PTPN14: variants seen among roughly 807,000 people sequenced by gnomAD.
The protein encoded by PTPN14 is tyrosine-protein phosphatase non-receptor type 14.
In PTPN14, 53 loss-of-function variants were observed where a neutral mutation model predicts 126.8. That is an observed-to-expected ratio of 0.42 (90% CI 0.34 to 0.53). The LOEUF is 0.53. Among genes scored for constraint, PTPN14 ranks in the 20% least tolerant of loss-of-function variants. PTPN14 has a pLI of 0.08. For synonymous variants in PTPN14, 630 were observed against 599.3 expected (o/e 1.05, Z -0.75); for missense variants, 1,257 against 1,552.9 (o/e 0.81, Z 3.20).
chr1:214,418,803 T>C (rs1659480440), intron 3 of PTPN14, among the ~76,000 whole-genome samples: 1 of 152,230 alleles, frequency 6.6e-6, no homozygotes, highest in African/African-American at 2.4e-5. Context: ...GGCAGCAGCC[T>C]CTGAGATATT....
intron 1 of PTPN14, among the ~76,000 whole-genome samples, chr1:214,491,594 C>T (rs1661253224): frequency 6.6e-6 from 1 of 152,158 alleles, no homozygotes; most frequent in Non-Finnish European, 1.5e-5. Context: ...TGCTGTGGAT[C>T]CAACAGGAGG....
rs1019379184 is a variant in PTPN14 at position 214,357,716 on chromosome 1, C to A, written c.*206G>T. 1 of 449,168 alleles carries A rather than the reference C, an allele frequency of 2.2e-6. No individual in the cohort carries two copies. Among genetic ancestry groups the A allele is most frequent in the Non-Finnish European group, 4.0e-6 (1 of 249,332 alleles). 27.8% of individuals were successfully genotyped at this position (449,168 alleles called of 1,614,324 possible). Reference sequence around the variant, plus strand: ...AGGGAAACTGCATTATAATAATTCACAAAAGTTATTCCAAAGGGGAAAAAA... The same window carrying A: ...AGGGAAACTGCATTATAATAATTCAAAAAAGTTATTCCAAAGGGGAAAAAA... On this transcript the variant is annotated 3_prime_UTR_variant, in exon 19 of 19. Coordinates refer to ENST00000366956, the MANE Select transcript of PTPN14 (RefSeq NM_005401.5).
At chr1:214,477,202 G>C (rs1309003605) in intron 1 of PTPN14, among the ~76,000 whole-genome samples, 1 of 152,182 alleles carries the variant, frequency 6.6e-6, no homozygotes, top group Non-Finnish European at 1.5e-5. Context: ...CTGAATCAGA[G>C]GGGAGAAAGA....
intron 1 of PTPN14, among the ~76,000 whole-genome samples, chr1:214,506,907 G>A (rs902251856): frequency 5.8e-5 from 8 of 138,100 alleles, no homozygotes; most frequent in East Asian, 1.9e-4. Context: ...ACAAGAGCGC[G>A]GGTTTTTTTT....
At chr1:214,370,929 C>T (rs1175967298) in intron 16 of PTPN14, among the ~76,000 whole-genome samples, 3 of 152,106 alleles carry the variant, frequency 2.0e-5, no homozygotes, top group Non-Finnish European at 2.9e-5. Flanking sequence ...CACATCTTTG[C>T]GGAATATGTA....
rs544479567 is a variant in PTPN14, at chr1:214,377,979, G to A, written c.2668C>T (p.Arg890Trp). 1.4e-5 allele frequency: 22 copies of A among 1,612,870 alleles called. No individual in the cohort carries two copies. Among genetic ancestry groups the A allele is most frequent in the Middle Eastern group, 1.7e-4 (1 of 6,054 alleles). The change falls in exon 14 of 19, where the codon CGG becomes TGG. Residue 890 changes from arginine to tryptophan, a missense_variant. Around this residue, in one of 3 missense-constraint regions of PTPN14, gnomAD observed 1,021 missense variants for 1,183.3 expected, o/e 0.86. Coordinates refer to ENST00000366956, the MANE Select transcript of PTPN14 (RefSeq NM_005401.5). ...CTTACCCTCTCGTCCATGGGAACCC[G>A]GGTGGCATCAACTCGATTCTCTTCC... ...GREENRVDAT[R>W]VPMDERFRTL...
chr1:214,533,890 T>G (rs1344240927), intron 1 of PTPN14, among the ~76,000 whole-genome samples: 1 of 148,200 alleles, frequency 6.7e-6, no homozygotes, highest in Admixed American at 6.7e-5. Flanking sequence ...AGTAGTATAC[T>G]GAGAAAAATA....
At chr1:214,441,001 T>C (rs2102620502) in intron 3 of PTPN14, among the ~76,000 whole-genome samples, 1 of 152,332 alleles carries the variant, frequency 6.6e-6, no homozygotes, top group African/African-American at 2.4e-5. Flanking sequence ...TGGATTTCTT[T>C]GTTGACTTTT....
chr1:214,398,903 G>A (rs1658951221), intron 7 of PTPN14, among the ~76,000 whole-genome samples: 1 of 151,868 alleles, frequency 6.6e-6, no homozygotes, highest in Admixed American at 6.6e-5. Context: ...TGAGTGGCTG[G>A]GACTACAGGT....
intron 18 of PTPN14, among the ~76,000 whole-genome samples, chr1:214,358,437 T>C (rs1657877627): frequency 6.6e-6 from 1 of 151,402 alleles, no homozygotes; most frequent in Non-Finnish European, 1.5e-5. Context: ...TGTCCTGGTG[T>C]ATTATTTTGA....
chr1:214,427,924 A>G (rs1659704814), intron 3 of PTPN14, among the ~76,000 whole-genome samples: 2 of 152,220 alleles, frequency 1.3e-5, no homozygotes, highest in Non-Finnish European at 2.9e-5. Context: ...TCAATGTAGC[A>G]AAGAGTGAGC....
At chr1:214,518,302 A>G (rs1043300075) in intron 1 of PTPN14, among the ~76,000 whole-genome samples, 1 of 152,228 alleles carries the variant, frequency 6.6e-6, no homozygotes, top group East Asian at 1.9e-4. Flanking sequence ...TCTATTCGCC[A>G]CTACTAATAA....
At chr1:214,471,888 G>A (rs188726371) in intron 1 of PTPN14, among the ~76,000 whole-genome samples, 123 of 152,272 alleles carry the variant, frequency 8.1e-4, no homozygotes, top group African/African-American at 2.9e-3. Context: ...GTTGCCCATT[G>A]TTCTTTTTTT....
intron 1 of PTPN14, among the ~76,000 whole-genome samples, chr1:214,470,182 G>C (rs1660722706): frequency 1.3e-5 from 2 of 152,118 alleles, no homozygotes. Flanking sequence ...TCAGCTACTT[G>C]GGAGGCTGAG....
intron 3 of PTPN14, among the ~76,000 whole-genome samples, chr1:214,433,300 G>A (rs939985756): frequency 8.3e-6 from 1 of 120,458 alleles, no homozygotes; most frequent in Non-Finnish European, 2.0e-5. Context: ...CTCCAAGTAT[G>A]GAAAATGTCT....
At chr1:214,443,504 A>G (rs938295749) in intron 3 of PTPN14, among the ~76,000 whole-genome samples, 1 of 152,124 alleles carries the variant, frequency 6.6e-6, no homozygotes, top group Non-Finnish European at 1.5e-5. Flanking sequence ...GATCACACCC[A>G]TAACAGTAGA....
At chr1:214,519,136 G>C (rs987712355) in intron 1 of PTPN14, among the ~76,000 whole-genome samples, 2 of 152,128 alleles carry the variant, frequency 1.3e-5, no homozygotes, top group African/African-American at 4.8e-5. Flanking sequence ...AGGCATGGTG[G>C]TGGGCACCTG....
At chr1:214,506,120 A>C (rs1296576705) in intron 1 of PTPN14, among the ~76,000 whole-genome samples, 3 of 152,210 alleles carry the variant, frequency 2.0e-5, no homozygotes, top group Non-Finnish European at 2.9e-5. Context: ...AAGGAAACTA[A>C]GACTGATAAC....
intron 1 of PTPN14, among the ~76,000 whole-genome samples, chr1:214,543,457 A>G (rs1169243331): frequency 6.6e-6 from 1 of 152,250 alleles, no homozygotes; most frequent in Non-Finnish European, 1.5e-5. Context: ...TAAGATATGT[A>G]TAATACATAC....
Sources: allele counts gnomAD v4.1 joint callset (sites outside exome capture counted in the v4.1 genomes callset), GRCh38; gene constraint gnomAD v4.1.1; regional missense constraint gnomAD v4.1.1; transcripts MANE v1.5; gene names NCBI Gene and HGNC (gene_info 2026-07-23, HGNC 2026-07-21).